Variants in CREB3 observed in about 807,000 individuals in gnomAD.
The protein encoded by CREB3 is cAMP responsive element binding protein 3.
In CREB3, 29 loss-of-function variants were observed where a neutral mutation model predicts 34.5. The ratio of observed to expected loss-of-function variants is 0.84; its 90% CI spans 0.63 to 1.15. The LOEUF is 1.15. Among genes scored for constraint, CREB3 ranks in the 50% most tolerant of loss-of-function variants. The pLI, the probability that CREB3 is intolerant of heterozygous loss-of-function variation, is 0.00. For missense variants in CREB3, 447 were observed against 443.4 expected (o/e 1.01, Z -0.07); for synonymous variants, 187 against 173.9 (o/e 1.08, Z -0.59).
chr9:35,735,956 A>C (rs1826194719), intron 6 of CREB3, 92 bp from the exon 7 acceptor site: 2 of 915,536 alleles, frequency 2.2e-6, no homozygotes, highest in Non-Finnish European at 3.6e-6. Flanking sequence ...GATCCAGTGC[A>C]GAGATGGAGG....
At position 35,736,592 on chromosome 9, in the gene CREB3, C is replaced by T; in HGVS notation, c.982C>T (p.Pro328Ser). The change falls in exon 9 of 9, where the codon CCA becomes TCA. Residue 328 changes from proline (P) to serine (S), a missense_variant. Coordinates refer to ENST00000353704, the MANE Select transcript of CREB3 (RefSeq NM_006368.5). Reference sequence around the variant, plus strand: ...CAGTGCAGAGCCTCCCCTGGAGTGGCCATTCCCTGACCTCTTCTCAGAGCC... The same window carrying T: ...CAGTGCAGAGCCTCCCCTGGAGTGGTCATTCCCTGACCTCTTCTCAGAGCC... ...APSAEPPLEW[P>S]FPDLFSEPLC... 2 of 1,614,098 alleles carry T rather than the reference C, an allele frequency of 1.2e-6. No individual in the cohort carries two copies. Among genetic ancestry groups the T allele is most frequent in the Non-Finnish European group, 1.7e-6 (2 of 1,180,026 alleles).
At position 35,732,929 on chromosome 9, in the gene CREB3, C is replaced by A; in HGVS notation, c.129+28C>A. The A allele has an allele frequency of 6.2e-7, 1 of 1,612,630 alleles. No individual in the cohort carries two copies. Among genetic ancestry groups the A allele is most frequent in the South Asian group, 1.1e-5 (1 of 90,896 alleles). ...AGGTTGGGGTTCTGACTGGGGAAAG[C>A]GTGGGATGTCCATGAAGTCAGGTGA... On this transcript the variant is annotated intron_variant, in intron 1 of 8. Coordinates refer to ENST00000353704, the MANE Select transcript of CREB3 (RefSeq NM_006368.5). The surrounding 1 kb of genome is among the most constrained non-coding windows in gnomAD (Gnocchi z 5.1).
At position 35,736,751 on chromosome 9, in the gene CREB3, A is replaced by G. The variant is rs1163806777; in HGVS notation, c.*25A>G. ...GATATGAGGATATGTGGGGGGTCTC[A>G]GCAGGAGCCTGGGGGGCTCCCCATC... On this transcript the variant is annotated 3_prime_UTR_variant, in exon 9 of 9. Transcript: ENST00000353704. 1.3e-6 allele frequency: 2 copies of G among 1,575,412 alleles called. No individual in the cohort carries two copies. The highest frequency in any genetic ancestry group is 1.7e-6 in the Non-Finnish European group (2 of 1,161,772).
At position 35,733,066 on chromosome 9, in the gene CREB3, T is replaced by G; in HGVS notation, c.200T>G (p.Leu67Arg). The change falls in exon 2 of 9, where the codon CTC becomes CGC. Residue 67 changes from leucine (L) to arginine (R), a missense_variant. Leu to Arg is a moderately radical substitution (Grantham distance 102). Coordinates refer to ENST00000353704, the MANE Select transcript of CREB3 (RefSeq NM_006368.5). ...LLSPPASLNI[L>R]SSSNPCLVHH... ...AGTCCCCCAGCGTCGTTGAACATTC[T>G]CAGCTCCTCCAACCCCTGCCTTGTC... The G allele has an allele frequency of 6.2e-7, 1 of 1,614,216 alleles. No individual in the cohort carries two copies. The highest frequency in any genetic ancestry group is 8.5e-7 in the Non-Finnish European group (1 of 1,180,038).
rs1180528959 is a variant in CREB3, at chr9:35,735,287, T to C, written c.543-19T>C. ...GGAGGATACAGGCCATATCCCCGTA[T>C]CTTTGTTATTTCCCCCAGGGTCTTG... On this transcript the variant is annotated intron_variant, in intron 5 of 8. Transcript: ENST00000353704. 1 of 1,613,704 alleles carries C rather than the reference T, an allele frequency of 6.2e-7. No individual in the cohort carries two copies. Among genetic ancestry groups the C allele is most frequent in the African/African-American group, 1.3e-5 (1 of 75,036 alleles).
rs1202561772 is a variant in CREB3 at position 35,736,276 on chromosome 9, C to G, written c.746C>G (p.Ser249Cys). 1 of 1,614,154 alleles carries G rather than the reference C, an allele frequency of 6.2e-7. No homozygotes were observed. The highest frequency in any genetic ancestry group is 2.2e-5 in the East Asian group (1 of 44,894). ...CLLLVPAMYSSDTRGSLPAEH... is the reference protein window; with the variant it reads ...CLLLVPAMYSCDTRGSLPAEH... ...CTCCTTGTACCTGCTATGTACTCCT[C>G]TGACACAAGGGGGAGCCTGCCAGCT... The change falls in exon 8 of 9, where the codon TCT becomes TGT. Residue 249 changes from serine (S) to cysteine (C), a missense_variant. Physicochemically the swap from Ser to Cys is moderately radical, Grantham distance 112 (BLOSUM62 -1). Coordinates refer to ENST00000353704, the MANE Select transcript of CREB3 (RefSeq NM_006368.5).
intron 4 of CREB3, among the ~76,000 whole-genome samples, chr9:35,734,113 A>G (rs560986129): frequency 1.3e-5 from 2 of 152,104 alleles, no homozygotes; most frequent in East Asian, 3.9e-4. Flanking sequence ...AGCTGAGACT[A>G]CAGGTGCACA....
chr9:35,733,288 T>A lies in CREB3; in HGVS notation c.345+6T>A. 1 of 1,614,128 alleles carries A rather than the reference T, an allele frequency of 6.2e-7. No individual in the cohort carries two copies. Among genetic ancestry groups the A allele is most frequent in the South Asian group, 1.1e-5 (1 of 91,082 alleles). ...TGGAGGAGCTGGCAGAGCAGGTACTTGACTTGATTTTCAGGAGATTACTCT... is the reference window on the plus strand; with the variant it reads ...TGGAGGAGCTGGCAGAGCAGGTACTAGACTTGATTTTCAGGAGATTACTCT... On this transcript the variant is annotated splice_donor_region_variant and intron_variant, in intron 3 of 8. Transcript: ENST00000353704.
Position 35,736,893 on chromosome 9 carries a change from C to A in CREB3, c.*167C>A. 1.3e-6 allele frequency: 1 copy of A among 743,574 alleles called. No individual in the cohort carries two copies. The highest frequency in any genetic ancestry group is 2.2e-6 in the Non-Finnish European group (1 of 464,280). 46.1% of individuals were successfully genotyped at this position (743,574 alleles called of 1,614,324 possible). On this transcript the variant is annotated 3_prime_UTR_variant, in exon 9 of 9. Coordinates refer to ENST00000353704, the MANE Select transcript of CREB3 (RefSeq NM_006368.5). ...GCTTTCTGGGTCTTTTATTTGTACC[C>A]ATGTGTCTGTCACACCATGAATGTA... is the stretch of plus-strand genomic sequence containing the variant.
chr9:35,733,067 C>T lies in CREB3; in HGVS notation c.201C>T (p.Leu67=), dbSNP rs770004281. The change falls in exon 2 of 9, where the codon CTC becomes CTT. Residue 67 remains leucine, a synonymous_variant. Transcript: ENST00000353704. The part of the protein sequence containing the change: ...LLSPPASLNI[L]SSSNPCLVHH... ...GTCCCCCAGCGTCGTTGAACATTCT[C>T]AGCTCCTCCAACCCCTGCCTTGTCC... The T allele has an allele frequency of 1.3e-5, 21 of 1,614,120 alleles. No homozygotes were observed. The East Asian group carries it at 1.6e-4, about 12-fold the overall frequency.
Position 35,733,119 on chromosome 9 carries a change from C to T in CREB3, c.253C>T (p.Arg85Trp), listed in dbSNP as rs200166825. The T allele has an allele frequency of 1.9e-4, 300 of 1,614,110 alleles. No homozygotes were observed. Among genetic ancestry groups the T allele is most frequent in the Non-Finnish European group, 2.4e-4 (281 of 1,180,050 alleles). ...CCATGACCACACCTACTCCCTCCCA[C>T]GGGAAACTGTCTCTATGGATCTAGG... Reference protein sequence around the residue: ...VHHDHTYSLPRETVSMDLESE... With the variant: ...VHHDHTYSLPWETVSMDLESE... Residue 85 changes from arginine (R) to tryptophan (W), a missense_variant, in exon 2 of 9, where the codon CGG (arginine) becomes TGG (tryptophan). Arg to Trp is a moderately radical substitution (Grantham distance 101). Transcript: ENST00000353704.
At chr9:35,733,821 G>C (rs1826143703) in intron 4 of CREB3, among the ~76,000 whole-genome samples, 2 of 152,160 alleles carry the variant, frequency 1.3e-5, no homozygotes, top group African/African-American at 4.8e-5. Flanking sequence ...CTGAATGGTA[G>C]AACTGTTTAG....
In CREB3 at chr9:35,733,199, A is replaced by C; in HGVS notation, c.278-16A>C. On this transcript the variant is annotated splice_polypyrimidine_tract_variant and intron_variant, in intron 2 of 8. Coordinates refer to ENST00000353704, the MANE Select transcript of CREB3 (RefSeq NM_006368.5). ...AGGGTTCATGGGCCTGGCTATTCATACTTTCCCTTTTGCAGAGAGTGAGAG... is the reference window on the plus strand; with the variant it reads ...AGGGTTCATGGGCCTGGCTATTCATCCTTTCCCTTTTGCAGAGAGTGAGAG... 1 of 1,614,176 alleles carries C rather than the reference A, an allele frequency of 6.2e-7. No homozygotes were observed.
At position 35,736,004 on chromosome 9, in the gene CREB3, G is replaced by A. The variant is rs1240614261; in HGVS notation, c.612-44G>A. 5 of 1,467,338 alleles carry A rather than the reference G, an allele frequency of 3.4e-6. No individual in the cohort carries two copies. In the African/African-American group the frequency reaches 7.0e-5, roughly 20 times the overall value. The allele number at this position is 1,467,338 out of a possible 1,614,324, so 90.9% of individuals were successfully genotyped here. On this transcript the variant is annotated intron_variant, in intron 6 of 8. Transcript: ENST00000353704. ...CAGGAGTTTCACTGTGTCTCAGGAT[G>A]CTAGGCCAGGGGATGCTCACTATTG... is the stretch of plus-strand genomic sequence containing the variant.
Position 35,736,097 on chromosome 9 carries a change from T to A in CREB3, c.661T>A (p.Ser221Thr). The A allele has an allele frequency of 2.5e-6, 4 of 1,614,026 alleles. No homozygotes were observed. Among genetic ancestry groups the A allele is most frequent in the Non-Finnish European group, 3.4e-6 (4 of 1,179,988 alleles). Reference protein sequence around the residue: ...RKLQAMVIEISNKTSSSSTCI... With the variant: ...RKLQAMVIEITNKTSSSSTCI... ...ACTCCAGGCCATGGTGATTGAGATA[T>A]CAAACAAAACCAGCAGCAGCAGCAC... The change falls in exon 7 of 9, where the codon TCA becomes ACA. Residue 221 changes from serine (S) to threonine (T), a missense_variant. By Grantham distance (58) the Ser-to-Thr change is moderately conservative (BLOSUM62 1). Transcript: ENST00000353704.
rs2131927275 is a variant in CREB3, at chr9:35,736,359, G to C, written c.782-33G>C. ...TCAGACAGGGCAAGGGGAGAGGTCT[G>C]GGTTGGCCTCTGAAGATTCTTTGTC... On this transcript the variant is annotated intron_variant, in intron 8 of 8. Coordinates refer to ENST00000353704, the MANE Select transcript of CREB3 (RefSeq NM_006368.5). 5 of 1,613,038 alleles carry C rather than the reference G, an allele frequency of 3.1e-6. No individual in the cohort carries two copies. In the East Asian group the frequency reaches 1.1e-4, roughly 36 times the overall value.
At chr9:35,736,180 C>A in intron 7 of CREB3, 47 bp from the exon 8 acceptor site, 1 of 1,611,154 alleles carries the variant, frequency 6.2e-7, no homozygotes, top group Non-Finnish European at 8.5e-7. Flanking sequence ...TTGGTGGGGA[C>A]AGGGCAATCC....
In CREB3 at chr9:35,732,920, T is replaced by C. The variant is rs778675276; in HGVS notation, c.129+19T>C. 3 of 1,613,048 alleles carry C rather than the reference T, an allele frequency of 1.9e-6. No individual in the cohort carries two copies. The highest frequency in any genetic ancestry group is 1.7e-6 in the Non-Finnish European group (2 of 1,179,436). Reference sequence around the variant, plus strand: ...TTCTGAGGTAGGTTGGGGTTCTGACTGGGGAAAGCGTGGGATGTCCATGAA... The same window carrying C: ...TTCTGAGGTAGGTTGGGGTTCTGACCGGGGAAAGCGTGGGATGTCCATGAA... On this transcript the variant is annotated intron_variant, in intron 1 of 8. Transcript: ENST00000353704. The surrounding 1 kb of genome is among the most constrained non-coding windows in gnomAD (Gnocchi z 5.1).
intron 6 of CREB3, 111 bp from the exon 7 acceptor site, chr9:35,735,937 A>G: frequency 1.3e-6 from 1 of 791,872 alleles, no homozygotes; most frequent in Non-Finnish European, 2.1e-6. Flanking sequence ...AATGAAAAGT[A>G]AGAGAGAGGA....
Sources: allele counts gnomAD v4.1 joint callset (sites outside exome capture counted in the v4.1 genomes callset), GRCh38; gene constraint gnomAD v4.1.1; non-coding constraint Gnocchi (gnomAD v3.1); transcripts MANE v1.5; gene names NCBI Gene and HGNC (gene_info 2026-07-23, HGNC 2026-07-21).